Variants in SYN3 observed in about 807,000 individuals in gnomAD.
SYN3 encodes synapsin III.
In SYN3, 35 loss-of-function variants were observed where a neutral mutation model predicts 65.8. The ratio of observed to expected loss-of-function variants is 0.53; its 90% CI spans 0.41 to 0.70. The LOEUF is 0.70. Among genes scored for constraint, SYN3 ranks in the 30% least tolerant of loss-of-function variants. The pLI is 0.00. For missense variants in SYN3, 680 were observed against 749.0 expected, an observed-to-expected ratio of 0.91 and a Z score of 1.08; for synonymous variants, 270 against 292.9, an observed-to-expected ratio of 0.92 and a Z score of 0.80.
At chr22:32,742,262 T>C (rs2044795169) in intron 6 of SYN3, among the ~76,000 whole-genome samples, 2 of 151,402 alleles carry the variant, frequency 1.3e-5, no homozygotes, top group South Asian at 4.2e-4. Flanking sequence ...AGTGACAGAG[T>C]CCATCTCAAA....
chr22:33,024,309 T>C (rs1291196708), intron 1 of SYN3, among the ~76,000 whole-genome samples: 2 of 152,188 alleles, frequency 1.3e-5, no homozygotes, highest in African/African-American at 4.8e-5. Context: ...CAAACTCTAA[T>C]ATGCGCCCAT....
At position 32,951,637 on chromosome 22, in the gene SYN3, A is replaced by G. The variant is rs73162016; in HGVS notation, c.370-20156T>C. 7.0e-3 allele frequency among the ~76,000 whole-genome samples: 1,072 copies of G among 152,274 alleles called. 9 individuals are homozygous for G. The highest frequency in any genetic ancestry group is 0.035 in the South Asian group (170 of 4,828). On this transcript the variant is annotated intron_variant, in intron 3 of 13. Coordinates refer to ENST00000358763, the MANE Select transcript of SYN3 (RefSeq NM_003490.4). Reference sequence around the variant, plus strand: ...AGATAAGACTTAAGGAAGCACAGAGACTGTTCCCCAAGTTCCACCCTGGAA... The same window carrying G: ...AGATAAGACTTAAGGAAGCACAGAGGCTGTTCCCCAAGTTCCACCCTGGAA...
At chr22:32,799,834 C>T (rs555281406) in intron 6 of SYN3, among the ~76,000 whole-genome samples, 2 of 152,156 alleles carry the variant, frequency 1.3e-5, no homozygotes, top group Non-Finnish European at 2.9e-5. Flanking sequence ...GGCTAAAAAG[C>T]AGTGTGGCTA....
chr22:32,773,101 A>C (rs5998633), intron 6 of SYN3, among the ~76,000 whole-genome samples: 107,426 of 152,114 alleles, frequency 0.71, 38,498 homozygotes, highest in African/African-American at 0.83. Context: ...CTGGGGAGCA[A>C]AGGCCCTGTC....
intron 6 of SYN3, among the ~76,000 whole-genome samples, chr22:32,806,609 C>T (rs1041522131): frequency 6.6e-6 from 1 of 152,186 alleles, no homozygotes; most frequent in Non-Finnish European, 1.5e-5. Context: ...TGCCTAGGCA[C>T]ATATGGGCTA....
At chr22:32,857,711 G>A (rs998197190) in intron 6 of SYN3, among the ~76,000 whole-genome samples, 3 of 152,170 alleles carry the variant, frequency 2.0e-5, no homozygotes, top group Non-Finnish European at 2.9e-5. Flanking sequence ...TGTAGTAAAG[G>A]AGAAAACAAA....
intron 4 of SYN3, among the ~76,000 whole-genome samples, chr22:32,880,309 T>A (rs2049094444): frequency 1.3e-5 from 2 of 152,152 alleles, no homozygotes; most frequent in Admixed American, 6.5e-5. Flanking sequence ...TGCAAGCCAG[T>A]GACTCATGGA....
intron 6 of SYN3, among the ~76,000 whole-genome samples, chr22:32,707,835 G>T (rs2060900784): frequency 6.6e-6 from 1 of 152,118 alleles, no homozygotes; most frequent in African/African-American, 2.4e-5. Flanking sequence ...TTTCCATAAG[G>T]GCTCCTGGGC....
chr22:32,859,371 C>T, intron 6 of SYN3: 2 of 1,609,262 alleles, frequency 1.2e-6, no homozygotes, highest in Middle Eastern at 1.6e-4. Context: ...ATGCCACAGA[C>T]CCCTGAGCGC....
At chr22:33,005,197 G>A (rs752909787) in intron 2 of SYN3, among the ~76,000 whole-genome samples, 6 of 152,166 alleles carry the variant, frequency 3.9e-5, no homozygotes, top group East Asian at 1.9e-4. Flanking sequence ...TTCAGGCAGT[G>A]TGAGAACAGA....
intron 3 of SYN3, among the ~76,000 whole-genome samples, chr22:32,967,119 G>T (rs1009975298): frequency 6.6e-6 from 1 of 152,054 alleles, no homozygotes; most frequent in Non-Finnish European, 1.5e-5. Context: ...AATGCTTAGC[G>T]TGTGCCTGAC....
At chr22:32,917,951 A>T (rs1439141127) in intron 4 of SYN3, among the ~76,000 whole-genome samples, 1 of 152,024 alleles carries the variant, frequency 6.6e-6, no homozygotes, top group Non-Finnish European at 1.5e-5. Context: ...AAGAGATTAG[A>T]TGGGGGCTTC....
intron 1 of SYN3, among the ~76,000 whole-genome samples, chr22:33,042,461 G>A (rs912064796): frequency 2.0e-5 from 3 of 152,186 alleles, no homozygotes; most frequent in Non-Finnish European, 2.9e-5. Context: ...TTAGCCAAAC[G>A]GACGTGGTAA....
At chr22:32,612,487 T>C (rs747774557) in intron 6 of SYN3, among the ~76,000 whole-genome samples, 240 of 152,240 alleles carry the variant, frequency 1.6e-3, no homozygotes, top group Non-Finnish European at 2.9e-3. Flanking sequence ...ACATATTTAG[T>C]GTCAGAAGTG....
chr22:33,016,173 C>T (rs2145844171), intron 1 of SYN3, among the ~76,000 whole-genome samples: 1 of 152,268 alleles, frequency 6.6e-6, no homozygotes, highest in Non-Finnish European at 1.5e-5. Context: ...ACACTTGTTT[C>T]TCTTAACTTT....
chr22:32,870,571 A>AG, intron 4 of SYN3, among the ~76,000 whole-genome samples: 1 of 152,340 alleles, frequency 6.6e-6, no homozygotes, highest in East Asian at 1.9e-4. Context: ...AATGGATTAA[A>AG]GGGTGTAAGC....
At chr22:32,750,252 T>C (rs750519190) in intron 6 of SYN3, among the ~76,000 whole-genome samples, 11 of 152,184 alleles carry the variant, frequency 7.2e-5, no homozygotes, top group East Asian at 1.9e-4. Flanking sequence ...GTTTCAACAG[T>C]GCAGCCAGGG....
chr22:32,843,691 G>A (rs542789463), intron 6 of SYN3, among the ~76,000 whole-genome samples: 2 of 152,196 alleles, frequency 1.3e-5, no homozygotes, highest in South Asian at 2.1e-4. Context: ...AGTCTAGGCC[G>A]AAGATGCGAG....
chr22:32,730,301 T>C (rs2061253264), intron 6 of SYN3, among the ~76,000 whole-genome samples: 1 of 152,210 alleles, frequency 6.6e-6, no homozygotes, highest in African/African-American at 2.4e-5. Flanking sequence ...CCATTAAGCA[T>C]GTGCTTTAAT....
Sources: allele counts gnomAD v4.1 joint callset (sites outside exome capture counted in the v4.1 genomes callset), GRCh38; gene constraint gnomAD v4.1.1; transcripts MANE v1.5; gene names NCBI Gene and HGNC (gene_info 2026-07-23, HGNC 2026-07-21).